The following CUTC variants were observed in gnomAD, a reference collection of about 807,000 sequenced individuals.
CUTC encodes cutC copper transporter.
CUTC carries 27 observed loss-of-function variants against 36.2 expected under a neutral mutation model. That is an observed-to-expected ratio of 0.75 (90% CI 0.55 to 1.03). CUTC has a LOEUF of 1.03. Ranked by LOEUF, CUTC falls within the 50% of genes least tolerant of loss-of-function variation. The pLI, the probability that CUTC is intolerant of heterozygous loss-of-function variation, is 0.00. For synonymous variants in CUTC, 114 were observed against 118.3 expected, an observed-to-expected ratio of 0.96 and a Z score of 0.24; for missense variants, 315 against 343.5, an observed-to-expected ratio of 0.92 and a Z score of 0.66.
chr10:99,738,542 GATTT>G (rs1270125788), intron 2 of CUTC, among the ~76,000 whole-genome samples: 3 of 152,036 alleles, frequency 2.0e-5, no homozygotes, highest in South Asian at 2.1e-4. Context: ...ACTTTCTTAA[GATTT>G]ATTTGTTAAG....
intron 6 of CUTC, among the ~76,000 whole-genome samples, chr10:99,749,667 A>G (rs1288793977): frequency 6.6e-6 from 1 of 152,122 alleles, no homozygotes; most frequent in African/African-American, 2.4e-5. Flanking sequence ...TGTTCAGGCC[A>G]TTTGAGAATA....
At position 99,737,448 on chromosome 10, in the gene CUTC, CAG is replaced by C. The variant is rs148358507; in HGVS notation, c.133+1133_133+1134del. Among the ~76,000 whole-genome samples, 288 of 152,000 alleles carry C rather than the reference CAG, an allele frequency of 1.9e-3. 1 individual carries two copies. The highest frequency in any genetic ancestry group is 2.8e-3 in the Non-Finnish European group (192 of 67,978). On this transcript the variant is annotated intron_variant, in intron 2 of 8. Coordinates refer to ENST00000370476, the MANE Select transcript of CUTC (RefSeq NM_015960.3). ...TCCAAAATAGGTAAGTTTATGTAGACAGAAAGTAGATTAATAGTTGCTTAGGG... is the reference window on the plus strand; with the variant it reads ...TCCAAAATAGGTAAGTTTATGTAGACAAAGTAGATTAATAGTTGCTTAGGG...
chr10:99,755,530 A>T (rs1170149168), intron 8 of CUTC, 95 bp from the exon 9 acceptor site: 2 of 744,038 alleles, frequency 2.7e-6, no homozygotes, highest in Admixed American at 2.3e-5. Flanking sequence ...TACTTGACCT[A>T]CCCTTGTATC....
At chr10:99,738,389 G>GGTGTGTGT (rs10693937) in intron 2 of CUTC, among the ~76,000 whole-genome samples, 2,298 of 142,926 alleles carry the variant, frequency 0.016, 39 homozygotes, top group East Asian at 0.04. Context: ...ACTCATACAG[G>GGTGTGTGT]GTGTGTGTGT....
At chr10:99,742,804 G>C (rs2037350500) in intron 3 of CUTC, among the ~76,000 whole-genome samples, 1 of 151,914 alleles carries the variant, frequency 6.6e-6, no homozygotes, top group African/African-American at 2.4e-5. Context: ...GTTTTAAATA[G>C]AGCTGTAATG....
chr10:99,744,156 C>T (rs2037361585), intron 5 of CUTC, 84 bp downstream of exon 5: 1 of 1,138,356 alleles, frequency 8.8e-7, no homozygotes, highest in African/African-American at 1.5e-5. Flanking sequence ...TTATGGAACA[C>T]AATTCTGTAG....
chr10:99,734,775 G>A (rs575936605), intron 1 of CUTC, among the ~76,000 whole-genome samples: 17 of 152,144 alleles, frequency 1.1e-4, no homozygotes, highest in South Asian at 6.2e-4. Flanking sequence ...ACTGTGCTTG[G>A]TGTGGGTGAT....
chr10:99,745,080 T>C (rs2037368674), intron 5 of CUTC, among the ~76,000 whole-genome samples: 1 of 152,168 alleles, frequency 6.6e-6, no homozygotes, highest in Non-Finnish European at 1.5e-5. Flanking sequence ...ATTTCTATAC[T>C]CTTAGGCTAC....
chr10:99,748,126 A>G (rs1257386162), intron 6 of CUTC, among the ~76,000 whole-genome samples: 2 of 151,982 alleles, frequency 1.3e-5, no homozygotes, highest in Non-Finnish European at 2.9e-5. Flanking sequence ...AGCGTTTGAG[A>G]CTCGGGTTTG....
rs77501650 is a variant in CUTC, at chr10:99,755,585, A to G, written c.708-40A>G. 3,153 of 1,370,202 alleles carry G rather than the reference A, an allele frequency of 2.3e-3. 49 individuals carry two copies. In the African/African-American group the frequency reaches 0.036, roughly 16 times the overall value. The allele number at this position is 1,370,202 out of a possible 1,614,324, so 84.9% of individuals were successfully genotyped here. ...GAAGCGGCAGTAGGAGGGCCCATTT[A>G]ATAACATAATTATCTGTTCCTTTAT... On this transcript the variant is annotated intron_variant, in intron 8 of 8. Transcript: ENST00000370476.
Position 99,743,151 on chromosome 10 carries a change from A to G in CUTC, c.194-2A>G. 1 of 1,613,440 alleles carries G rather than the reference A, an allele frequency of 6.2e-7. No individual in the cohort carries two copies. Among genetic ancestry groups the G allele is most frequent in the Non-Finnish European group, 8.5e-7 (1 of 1,179,468 alleles). ...ATTTTAATCTGCTTTCTTTTCTTGTAGGTGTCCTTCAAGTAGTGAAGCAGA... is the reference window on the plus strand; with the variant it reads ...ATTTTAATCTGCTTTCTTTTCTTGTGGGTGTCCTTCAAGTAGTGAAGCAGA... On this transcript the variant is annotated splice_acceptor_variant, in intron 3 of 8. Coordinates refer to ENST00000370476, the MANE Select transcript of CUTC (RefSeq NM_015960.3). LOFTEE classifies it high-confidence loss of function.
At chr10:99,743,555 C>T (rs1299780937) in intron 4 of CUTC, among the ~76,000 whole-genome samples, 193 bp downstream of exon 4, 1 of 152,102 alleles carries the variant, frequency 6.6e-6, no homozygotes, top group Non-Finnish European at 1.5e-5. Context: ...TCTTAACTCT[C>T]CTCAATTGCT....
chr10:99,738,077 C>T (rs575848786), intron 2 of CUTC, among the ~76,000 whole-genome samples: 2 of 150,018 alleles, frequency 1.3e-5, no homozygotes, highest in South Asian at 2.1e-4. Context: ...ACCTGGGAGG[C>T]GGAGGTTGCG....
At chr10:99,746,968 A>G (rs2037382150) in intron 5 of CUTC, among the ~76,000 whole-genome samples, 1 of 152,112 alleles carries the variant, frequency 6.6e-6, no homozygotes, top group Admixed American at 6.5e-5. Context: ...GGGTCTTGCC[A>G]CATTGCCCAG....
intron 2 of CUTC, among the ~76,000 whole-genome samples, 189 bp from the exon 3 acceptor site, chr10:99,739,521 G>A (rs1177534716): frequency 2.0e-5 from 3 of 152,150 alleles, no homozygotes; most frequent in Admixed American, 1.3e-4. Context: ...ATTTGAGTAT[G>A]AGTAACACAA....
At chr10:99,738,371 T>C (rs1475190027) in intron 2 of CUTC, among the ~76,000 whole-genome samples, 1 of 147,908 alleles carries the variant, frequency 6.8e-6, no homozygotes, top group East Asian at 2.0e-4. Flanking sequence ...TTCAGATTTC[T>C]CCAGTTGACT....
rs558714433 is a variant in CUTC, at chr10:99,737,914, C to T, written c.133+1597C>T. On this transcript the variant is annotated intron_variant, in intron 2 of 8. Coordinates refer to ENST00000370476, the MANE Select transcript of CUTC (RefSeq NM_015960.3). ...CTGTAATCCCAGCACTTTGGGAGGC[C>T]GAGGCGGGCGGATCACCTGAGGTCG... 6.6e-5 allele frequency among the ~76,000 whole-genome samples: 10 copies of T among 152,082 alleles called. No individual in the cohort carries two copies. In the South Asian group the frequency reaches 1.5e-3, roughly 22 times the overall value.
chr10:99,741,003 C>T (rs1200925006), intron 3 of CUTC, among the ~76,000 whole-genome samples: 1 of 152,106 alleles, frequency 6.6e-6, no homozygotes, highest in Non-Finnish European at 1.5e-5. Flanking sequence ...GTTATAATGA[C>T]CTTGTCTGCG....
At chr10:99,734,882 C>A (rs544802263) in intron 1 of CUTC, among the ~76,000 whole-genome samples, 68 of 151,960 alleles carry the variant, frequency 4.5e-4, no homozygotes, top group Non-Finnish European at 8.7e-4. Flanking sequence ...GCTGGCAGAT[C>A]GCTTGAGTGC....
Sources: allele counts gnomAD v4.1 joint callset (sites outside exome capture counted in the v4.1 genomes callset), GRCh38; gene constraint gnomAD v4.1.1; transcripts MANE v1.5; gene names NCBI Gene and HGNC (gene_info 2026-07-23, HGNC 2026-07-21).